COPB1: variants seen among roughly 807,000 people sequenced by gnomAD.
COPB1 encodes coat protein complex I subunit beta 1.
A neutral mutation model predicts 108.7 loss-of-function variants in COPB1; 21 were observed. The observed-to-expected ratio is 0.19, with a 90% CI of 0.14 to 0.28. The LOEUF is 0.28. COPB1 is among the 10% of genes least tolerant of loss of function. The pLI is 1.00. For synonymous variants in COPB1, 378 were observed against 386.8 expected, an observed-to-expected ratio of 0.98 and a Z score of 0.27; for missense variants, 919 against 1,141.3, an observed-to-expected ratio of 0.81 and a Z score of 2.81.
At chr11:14,499,433 C>A (rs1271433185) in intron 1 of COPB1, among the ~76,000 whole-genome samples, 2 of 152,130 alleles carry the variant, frequency 1.3e-5, no homozygotes, top group Non-Finnish European at 2.9e-5. Flanking sequence ...CCTCGCCCCA[C>A]CCGCTTCCTC....
intron 6 of COPB1, among the ~76,000 whole-genome samples, chr11:14,487,361 C>A (rs1850797017): frequency 6.6e-6 from 1 of 152,068 alleles, no homozygotes; most frequent in African/African-American, 2.4e-5. Context: ...TCAGTGGTAT[C>A]CTAAACTATA....
intron 5 of COPB1, among the ~76,000 whole-genome samples, chr11:14,488,919 T>C (rs2134122934): frequency 1.3e-5 from 2 of 152,268 alleles, no homozygotes; most frequent in South Asian, 4.1e-4. Context: ...TACTGAGACC[T>C]AAAAGAAAAA....
At chr11:14,461,160 T>C in intron 19 of COPB1, 26 bp downstream of exon 19, 1 of 1,613,832 alleles carries the variant, frequency 6.2e-7, no homozygotes, top group Non-Finnish European at 8.5e-7. Flanking sequence ...GATAAAGGAA[T>C]ATGAGAAAAT....
chr11:14,493,854 T>C, intron 3 of COPB1, 43 bp from the exon 4 acceptor site: 1 of 1,446,074 alleles, frequency 6.9e-7, no homozygotes, highest in Non-Finnish European at 9.2e-7. Context: ...TTTCAGCTTT[T>C]TACAAAAAGA....
At position 14,469,391 on chromosome 11, in the gene COPB1, T is replaced by C; in HGVS notation, c.1910A>G (p.Gln637Arg). 1 of 1,614,248 alleles carries C rather than the reference T, an allele frequency of 6.2e-7. No homozygotes were observed. The highest frequency in any genetic ancestry group is 8.5e-7 in the Non-Finnish European group (1 of 1,180,036). ...MNDIFNKECR[Q>R]SLSHMLSAKL... ...AGCAGATAACATGTGAGAAAGGGAC[T>C]GTCTGCATTCCTTATTGAAAATGTC... The change falls in exon 15 of 22, where the codon CAG becomes CGG. Residue 637 changes from glutamine (Q) to arginine (R), a missense_variant. Transcript: ENST00000439561.
intron 8 of COPB1, among the ~76,000 whole-genome samples, 178 bp downstream of exon 8, chr11:14,482,854 G>A (rs1022602233): frequency 6.6e-6 from 1 of 152,104 alleles, no homozygotes; most frequent in African/African-American, 2.4e-5. Context: ...AATATTTTTT[G>A]TGGTAAAGAT....
chr11:14,477,211 G>T (rs959949058), intron 11 of COPB1, among the ~76,000 whole-genome samples, 196 bp from the exon 12 acceptor site: 1 of 150,990 alleles, frequency 6.6e-6, no homozygotes, highest in Non-Finnish European at 1.5e-5. Flanking sequence ...GTGAAATCAC[G>T]TCTCTACTAA....
At chr11:14,491,778 A>G (rs1850912083) in intron 4 of COPB1, among the ~76,000 whole-genome samples, 1 of 152,154 alleles carries the variant, frequency 6.6e-6, no homozygotes, top group Admixed American at 6.5e-5. Context: ...AAGCTGATTT[A>G]TTCAACACAC....
intron 21 of COPB1, 50 bp downstream of exon 21, chr11:14,458,482 T>TC (rs767469891): frequency 5.2e-6 from 8 of 1,530,720 alleles, no homozygotes; most frequent in Non-Finnish European, 6.1e-6. Flanking sequence ...CATAAATTCC[T>TC]CCCCCCTTTG....
In COPB1 at chr11:14,469,480, A is replaced by C; in HGVS notation, c.1821T>G (p.Asp607Glu). 6.2e-7 allele frequency: 1 copy of C among 1,614,216 alleles called. No individual in the cohort carries two copies. Among genetic ancestry groups the C allele is most frequent in the Non-Finnish European group, 8.5e-7 (1 of 1,180,030 alleles). Residue 607 changes from aspartate (D) to glutamate (E), a missense_variant, in exon 15 of 22, where the codon GAT becomes GAG. Asp to Glu is a conservative substitution (Grantham distance 45). This residue lies in a region of COPB1 where 705 missense variants were observed against 817.8 expected (regional missense o/e 0.86). Transcript: ENST00000439561. ...ACAGGGAAATTCGATCCACATCATCATCAGTAATTGGCTTCTTAGGAAGAG... is the reference window on the plus strand; with the variant it reads ...ACAGGGAAATTCGATCCACATCATCCTCAGTAATTGGCTTCTTAGGAAGAG... The part of the protein sequence containing the change: ...KSSLPKKPIT[D>E]DDVDRISLCL...
chr11:14,469,003 T>TC, intron 15 of COPB1, 143 bp from the exon 16 acceptor site: 4 of 736,250 alleles, frequency 5.4e-6, no homozygotes, highest in Non-Finnish European at 8.8e-6. Flanking sequence ...TCTTTTCTTT[T>TC]TTTTCTTCCT....
chr11:14,490,674 A>G lies in COPB1; in HGVS notation c.497T>C (p.Phe166Ser). ...AGGAGCATCAGGTATAAGATGTTCA[A>G]AATTTCTTTAAATAAAACAGGTAAC... ...VLAIYTIYRN[F>S]EHLIPDAPEL... Residue 166 changes from phenylalanine (F) to serine (S), a missense_variant, in exon 5 of 22, where the codon TTT becomes TCT. By Grantham distance (155) the Phe-to-Ser change is radical (BLOSUM62 -2). Around this residue, in one of 5 missense-constraint regions of COPB1, gnomAD observed 78 missense variants for 95.4 expected, o/e 0.82. Coordinates refer to ENST00000439561, the MANE Select transcript of COPB1 (RefSeq NM_001144061.2). 1 of 1,578,424 alleles carries G rather than the reference A, an allele frequency of 6.3e-7. No individual in the cohort carries two copies.
intron 20 of COPB1, among the ~76,000 whole-genome samples, chr11:14,459,321 T>G (rs372197413): frequency 9.3e-4 from 142 of 152,324 alleles, no homozygotes; most frequent in Non-Finnish European, 1.7e-3. Context: ...TTTGTTGGAC[T>G]CAGTATATGC....
At chr11:14,496,699 TC>T (rs1379160001) in intron 2 of COPB1, among the ~76,000 whole-genome samples, 2 of 137,404 alleles carry the variant, frequency 1.5e-5, no homozygotes, top group Non-Finnish European at 3.2e-5. Context: ...AAAAAAAAAA[TC>T]CTAAAATTTA....
At chr11:14,486,193 G>A (rs1053657114) in intron 7 of COPB1, among the ~76,000 whole-genome samples, 174 bp downstream of exon 7, 2 of 152,174 alleles carry the variant, frequency 1.3e-5, no homozygotes, top group Admixed American at 1.3e-4. Flanking sequence ...TATGAAAGCA[G>A]GAAGGAAGAA....
intron 18 of COPB1, 68 bp from the exon 19 acceptor site, chr11:14,461,399 C>T: frequency 1.3e-6 from 2 of 1,496,524 alleles, no homozygotes; most frequent in Non-Finnish European, 1.8e-6. Flanking sequence ...ATCTTAATAT[C>T]CAAATATCCA....
chr11:14,465,041 G>C lies in COPB1; in HGVS notation c.2291-11C>G. On this transcript the variant is annotated splice_polypyrimidine_tract_variant and intron_variant, in intron 17 of 21. Coordinates refer to ENST00000439561, the MANE Select transcript of COPB1 (RefSeq NM_001144061.2). ...CAAGTTTCAGATCCCCTGAAAGAAAGAGTTTGGATATGGTTAAAAATACAC... is the reference window on the plus strand; with the variant it reads ...CAAGTTTCAGATCCCCTGAAAGAAACAGTTTGGATATGGTTAAAAATACAC... The C allele has an allele frequency of 6.3e-7, 1 of 1,599,720 alleles. No homozygotes were observed. Among genetic ancestry groups the C allele is most frequent in the Non-Finnish European group, 8.5e-7 (1 of 1,174,206 alleles).
At position 14,477,028 on chromosome 11, in the gene COPB1, A is replaced by AAGTTCATGTTTC; in HGVS notation, c.1359-14_1359-13insGAAACATGAACT. ...TCCTCGGTAAATCCTAGCACAATAC[A>AAGTTCATGTTTC]AGATCTGAAACATGAACTTGGCAGA... On this transcript the variant is annotated splice_polypyrimidine_tract_variant and intron_variant, in intron 11 of 21. Coordinates refer to ENST00000439561, the MANE Select transcript of COPB1 (RefSeq NM_001144061.2). 6.6e-7 allele frequency: 1 copy of AAGTTCATGTTTC among 1,508,014 alleles called. No individual in the cohort carries two copies. Among genetic ancestry groups the AAGTTCATGTTTC allele is most frequent in the Non-Finnish European group, 9.2e-7 (1 of 1,085,390 alleles). The allele number at this position is 1,508,014 out of a possible 1,614,324, so 93.4% of individuals were successfully genotyped here.
Position 14,468,712 on chromosome 11 carries a change from G to A in COPB1, c.2114C>T (p.Ala705Val). The change falls in exon 16 of 22, where the codon GCA becomes GTA. Residue 705 changes from alanine to valine, a missense_variant. Physicochemically the swap from Ala to Val is moderately conservative, Grantham distance 64. Transcript: ENST00000439561. ...AAMGNTQRKE[A>V]ADPLASKLNK... The stretch of plus-strand genomic sequence containing the variant: ...AAGTTTAGATGCTAGGGGATCTGCT[G>A]CCTCTTTCCTCTGTGTGTTACCCAT... The A allele has an allele frequency of 6.2e-7, 1 of 1,614,086 alleles. No homozygotes were observed. Among genetic ancestry groups the A allele is most frequent in the Non-Finnish European group, 8.5e-7 (1 of 1,180,012 alleles).
Sources: allele counts gnomAD v4.1 joint callset (sites outside exome capture counted in the v4.1 genomes callset), GRCh38; gene constraint gnomAD v4.1.1; regional missense constraint gnomAD v4.1.1; transcripts MANE v1.5; gene names NCBI Gene and HGNC (gene_info 2026-07-23, HGNC 2026-07-21).